Variants in IVNS1ABP observed in about 807,000 individuals in gnomAD.
IVNS1ABP encodes influenza virus NS1A binding protein.
In IVNS1ABP, 25 loss-of-function variants were observed where a neutral mutation model predicts 78.9. That is an observed-to-expected ratio of 0.32 (90% CI 0.23 to 0.44). The LOEUF is 0.44. Among genes scored for constraint, IVNS1ABP ranks in the 20% least tolerant of loss-of-function variants. The pLI is 1.00. For synonymous variants in IVNS1ABP, 241 were observed against 259.7 expected (o/e 0.93, Z 0.69); for missense variants, 494 against 768.9 (o/e 0.64, Z 4.23).
At position 185,300,482 on chromosome 1, in the gene IVNS1ABP, A is replaced by G. The variant is rs979614365; in HGVS notation, c.1197T>C (p.Ala399=). 6.2e-6 allele frequency: 10 copies of G among 1,613,606 alleles called. No homozygotes were observed. Among genetic ancestry groups the G allele is most frequent in the Middle Eastern group, 3.3e-4 (2 of 6,080 alleles). The part of the protein sequence containing the change: ...NPHTDHWSFL[A]PMRTPRARFQ... The stretch of plus-strand genomic sequence containing the variant: ...ATCGGGCTCTTGGTGTTCTCATGGG[A>G]GCAAGAAAGGACCAGTGATCTGTAT... Residue 399 remains alanine (A), a synonymous_variant, in exon 11 of 15, where the codon GCT becomes GCC. Coordinates refer to ENST00000367498, the MANE Select transcript of IVNS1ABP (RefSeq NM_006469.5).
intron 1 of IVNS1ABP, among the ~76,000 whole-genome samples, chr1:185,313,205 A>T (rs766315643): frequency 3.3e-5 from 5 of 152,224 alleles, no homozygotes; most frequent in East Asian, 1.9e-4. Context: ...GGCAATTTGC[A>T]TCAGACAAAT....
intron 1 of IVNS1ABP, among the ~76,000 whole-genome samples, chr1:185,314,848 G>A (rs527757476): frequency 6.6e-6 from 1 of 151,862 alleles, no homozygotes; most frequent in Admixed American, 6.6e-5. Flanking sequence ...TTTATAGTTT[G>A]CTACATGGAG....
chr1:185,304,505 A>G (rs184880598), intron 8 of IVNS1ABP, among the ~76,000 whole-genome samples: 2 of 152,286 alleles, frequency 1.3e-5, no homozygotes, highest in East Asian at 3.9e-4. Flanking sequence ...CATATAGGCT[A>G]CTACTAAGTC....
Position 185,301,075 on chromosome 1 carries a change from A to G in IVNS1ABP, c.1017T>C (p.Phe339=). The G allele has an allele frequency of 6.2e-7, 1 of 1,613,406 alleles. No individual in the cohort carries two copies. The highest frequency in any genetic ancestry group is 1.1e-5 in the South Asian group (1 of 91,076). The change falls in exon 10 of 15, where the codon TTT becomes TTC. Residue 339 remains phenylalanine, a synonymous_variant. Coordinates refer to ENST00000367498, the MANE Select transcript of IVNS1ABP (RefSeq NM_006469.5). ...STPKLSKSLS[F]EMQQDELIEK... ...CGATTAGCTCATCTTGTTGCATCTC[A>G]AAGCTTAAACTCTTACTTAGTTTTG...
In IVNS1ABP at chr1:185,316,739, C is replaced by T. The variant is rs558971444; in HGVS notation, c.-247+214G>A. Among the ~76,000 whole-genome samples, 4 of 152,330 alleles carry T rather than the reference C, an allele frequency of 2.6e-5. No individual in the cohort carries two copies. In the South Asian group the frequency reaches 8.3e-4, roughly 32 times the overall value. ...CGCCCGCTCTCGGCCGCCAACGCAA[C>T]TTGGCAACCATGGCAGCGCTGGAGC... On this transcript the variant is annotated intron_variant, in intron 1 of 14. Coordinates refer to ENST00000367498, the MANE Select transcript of IVNS1ABP (RefSeq NM_006469.5).
At position 185,305,402 on chromosome 1, in the gene IVNS1ABP, T is replaced by C; in HGVS notation, c.765+134A>G. The C allele has an allele frequency of 1.1e-6, 1 of 878,852 alleles. No homozygotes were observed. The allele number at this position is 878,852 out of a possible 1,614,324, so 54.4% of individuals were successfully genotyped here. A position where few individuals can be genotyped will look rare whatever the true frequency, so the allele number is the denominator to read the frequency against. ...CTAACTCTAAGATATGCTTGTTTTC[T>C]CCCAAAAATGTTTCTGTCCAGTTAT... On this transcript the variant is annotated intron_variant, in intron 8 of 14. Coordinates refer to ENST00000367498, the MANE Select transcript of IVNS1ABP (RefSeq NM_006469.5). The surrounding 1 kb of genome is among the most constrained non-coding windows in gnomAD (Gnocchi z 4.0).
At position 185,297,888 on chromosome 1, in the gene IVNS1ABP, C is replaced by T. The variant is rs1212281216; in HGVS notation, c.*147G>A. 1.1e-5 allele frequency: 8 copies of T among 714,598 alleles called. No individual in the cohort carries two copies. Among genetic ancestry groups the T allele is most frequent in the African/African-American group, 7.1e-5 (4 of 56,144 alleles). 44.3% of individuals were successfully genotyped at this position (714,598 alleles called of 1,614,324 possible). A position where few individuals can be genotyped will look rare whatever the true frequency, so the allele number is the denominator to read the frequency against. ...TCCAAATAAACCCAAAAAGTATGTA[C>T]AGCATGTTTAATAGTATGCAATATG... is the stretch of plus-strand genomic sequence containing the variant. On this transcript the variant is annotated 3_prime_UTR_variant, in exon 15 of 15. Coordinates refer to ENST00000367498, the MANE Select transcript of IVNS1ABP (RefSeq NM_006469.5).
chr1:185,306,398 C>T, intron 7 of IVNS1ABP: 1 of 1,109,836 alleles, frequency 9.0e-7, no homozygotes, highest in Admixed American at 3.1e-5. Flanking sequence ...AAAAGTAGCC[C>T]AAGTTAAGTG....
rs926808749 is a variant in IVNS1ABP, at chr1:185,308,810, C to T, written c.347G>A (p.Arg116Gln). The T allele has an allele frequency of 3.7e-6, 6 of 1,607,590 alleles. No individual in the cohort carries two copies. The highest frequency in any genetic ancestry group is 2.7e-5 in the African/African-American group (2 of 74,838). The change falls in exon 5 of 15, where the codon CGA (arginine) becomes CAA (glutamine). Residue 116 changes from arginine to glutamine, a missense_variant. By Grantham distance (43) the Arg-to-Gln change is conservative (BLOSUM62 1). Coordinates refer to ENST00000367498, the MANE Select transcript of IVNS1ABP (RefSeq NM_006469.5). ...CTTCTGATACTCTACCTGCTTTACT[C>T]GATCCATCTTCAGCTTTTTTGCTGC... ...YSAAKKLKMD[R>Q]VKQVCGDYLL...
At position 185,307,144 on chromosome 1, in the gene IVNS1ABP, A is replaced by T. The variant is rs760744117; in HGVS notation, c.532-5T>A. The stretch of plus-strand genomic sequence containing the variant: ...ATCTTCAAGCATTACCTCCAACTAG[A>T]ATTGGGAAAAACAATGACATGGATC... On this transcript the variant is annotated splice_polypyrimidine_tract_variant and splice_region_variant and intron_variant, in intron 6 of 14. Coordinates refer to ENST00000367498, the MANE Select transcript of IVNS1ABP (RefSeq NM_006469.5). The T allele has an allele frequency of 1.7e-5, 28 of 1,612,866 alleles. No individual in the cohort carries two copies. The highest frequency in any genetic ancestry group is 6.7e-5 in the Admixed American group (4 of 59,914).
chr1:185,316,913 G>A (rs1666048958), intron 1 of IVNS1ABP, 40 bp downstream of exon 1: 4 of 397,916 alleles, frequency 1.0e-5, no homozygotes, highest in Admixed American at 4.4e-5. Flanking sequence ...TAGCCGCGCC[G>A]TCTCCCTCAT....
intron 6 of IVNS1ABP, 115 bp from the exon 7 acceptor site, chr1:185,307,254 C>G (rs959151598): frequency 1.1e-5 from 14 of 1,306,826 alleles, no homozygotes; most frequent in Non-Finnish European, 1.5e-5. Flanking sequence ...TACATTTACT[C>G]TAATTTGTAA....
intron 1 of IVNS1ABP, among the ~76,000 whole-genome samples, chr1:185,316,065 G>A (rs1398269595): frequency 6.6e-6 from 1 of 152,168 alleles, no homozygotes; most frequent in Non-Finnish European, 1.5e-5. Flanking sequence ...TCAACCCTCA[G>A]CCTGATACCT....
At chr1:185,303,796 G>A (rs1350836903) in intron 8 of IVNS1ABP, among the ~76,000 whole-genome samples, 1 of 151,954 alleles carries the variant, frequency 6.6e-6, no homozygotes, top group African/African-American at 2.4e-5. Context: ...AAGGGTCCAA[G>A]GCAACAATTT....
intron 9 of IVNS1ABP, 69 bp from the exon 10 acceptor site, chr1:185,301,265 T>G (rs1017600579): frequency 7.0e-7 from 1 of 1,433,976 alleles, no homozygotes; most frequent in Non-Finnish European, 9.7e-7. Context: ...GATCCTGAAT[T>G]GGACTCCAGT....
At chr1:185,308,542 C>T (rs1030165636) in intron 5 of IVNS1ABP, among the ~76,000 whole-genome samples, 1 of 152,142 alleles carries the variant, frequency 6.6e-6, no homozygotes, top group African/African-American at 2.4e-5. Context: ...TTAATTCATG[C>T]TATCAAAGGC....
intron 1 of IVNS1ABP, among the ~76,000 whole-genome samples, chr1:185,316,198 C>A (rs867454222): frequency 6.6e-6 from 1 of 152,184 alleles, no homozygotes; most frequent in Non-Finnish European, 1.5e-5. Flanking sequence ...CCTTCCTCCT[C>A]GCGCAGCCAG....
intron 1 of IVNS1ABP, among the ~76,000 whole-genome samples, chr1:185,314,619 T>C (rs1665967088): frequency 6.6e-6 from 1 of 152,130 alleles, no homozygotes. Context: ...CAAGGAAGCA[T>C]AGGGCATCCT....
Position 185,309,062 on chromosome 1 carries a change from T to C in IVNS1ABP, c.222A>G (p.Lys74=). Reference sequence around the variant, plus strand: ...CAGCTTCTGGATTGAGATCATCAAATTTAACGTGAGAAATTCCATGAGGAT... The same window carrying C: ...CAGCTTCTGGATTGAGATCATCAAACTTAACGTGAGAAATTCCATGAGGAT... ...DSDPHGISHV[K]FDDLNPEAVE... The change falls in exon 4 of 15, where the codon AAA becomes AAG. Residue 74 remains lysine (K), a synonymous_variant. Transcript: ENST00000367498. The C allele has an allele frequency of 6.2e-7, 1 of 1,613,278 alleles. No homozygotes were observed. Among genetic ancestry groups the C allele is most frequent in the African/African-American group, 1.3e-5 (1 of 75,012 alleles).
Sources: allele counts gnomAD v4.1 joint callset (sites outside exome capture counted in the v4.1 genomes callset), GRCh38; gene constraint gnomAD v4.1.1; non-coding constraint Gnocchi (gnomAD v3.1); transcripts MANE v1.5; gene names NCBI Gene and HGNC (gene_info 2026-07-23, HGNC 2026-07-21).